CAPN5: variants seen among roughly 807,000 people sequenced by gnomAD.
CAPN5 encodes calpain-5.
In CAPN5, 54 loss-of-function variants were observed where a neutral mutation model predicts 73.0. The ratio of observed to expected loss-of-function variants is 0.74; its 90% CI spans 0.59 to 0.93. CAPN5 has a LOEUF of 0.93. CAPN5 is among the 40% of genes least tolerant of loss of function. The pLI, the probability that CAPN5 is intolerant of heterozygous loss-of-function variation, is 0.00. For missense variants in CAPN5, 785 were observed against 882.9 expected, an observed-to-expected ratio of 0.89 and a Z score of 1.41; for synonymous variants, 335 against 356.9, an observed-to-expected ratio of 0.94 and a Z score of 0.69.
chr11:77,116,367 C>T, intron 7 of CAPN5, 64 bp downstream of exon 7: 1 of 1,348,336 alleles, frequency 7.4e-7, no homozygotes, highest in Non-Finnish European at 1.0e-6. Context: ...TGGCGGGGAG[C>T]ACCAGGTGGG....
Position 77,075,081 on chromosome 11 carries a change from G to A in CAPN5, c.-36+7987G>A, listed in dbSNP as rs139654307. Among the ~76,000 whole-genome samples, 152 of 152,252 alleles carry A rather than the reference G, an allele frequency of 1.0e-3. 2 individuals carry two copies. The East Asian group carries it at 0.023, about 23-fold the overall frequency. ...AAGACAGCCGTGACCAAGTCCCTCC[G>A]CTGCTCAGCACCCTTCCACACTCCC... On this transcript the variant is annotated intron_variant, in intron 1 of 12. Transcript: ENST00000648180.
chr11:77,098,334 C>A (rs1224425823), intron 3 of CAPN5, among the ~76,000 whole-genome samples: 1 of 106,122 alleles, frequency 9.4e-6, no homozygotes. Context: ...GGGCTGACCC[C>A]CCCACCTCCC....
At chr11:77,091,991 G>A (rs886352013) in intron 2 of CAPN5, among the ~76,000 whole-genome samples, 1 of 152,122 alleles carries the variant, frequency 6.6e-6, no homozygotes, top group African/African-American at 2.4e-5. Flanking sequence ...AGGCTGAGGC[G>A]GGAAGATTGC....
intron 8 of CAPN5, among the ~76,000 whole-genome samples, chr11:77,118,719 G>T (rs1206656587): frequency 6.6e-6 from 1 of 152,226 alleles, no homozygotes; most frequent in Non-Finnish European, 1.5e-5. Context: ...TCCCCACGGG[G>T]CCTCTCCCCA....
rs1158485420 is a variant in CAPN5, at chr11:77,119,134, T to G, written c.1272T>G (p.Ile424Met). The stretch of plus-strand genomic sequence containing the variant: ...AGGGCAAGGGTGAGAACCTGGCCAT[T>G]GGCTTTGACATCTACAAGGTGAGGC... ...RREGKGENLA[I>M]GFDIYKVEEN... Residue 424 changes from isoleucine to methionine, a missense_variant, in exon 9 of 13, where the codon ATT becomes ATG. Transcript: ENST00000648180. The G allele has an allele frequency of 1.2e-6, 2 of 1,612,732 alleles. No individual in the cohort carries two copies. Among genetic ancestry groups the G allele is most frequent in the Non-Finnish European group, 1.7e-6 (2 of 1,179,520 alleles).
At chr11:77,115,107 A>G (rs781886490) in intron 5 of CAPN5, among the ~76,000 whole-genome samples, 2 of 152,180 alleles carry the variant, frequency 1.3e-5, no homozygotes, top group Non-Finnish European at 2.9e-5. Context: ...ATATTTAACA[A>G]TTCCTGGAAT....
chr11:77,087,833 T>A, intron 2 of CAPN5: 1 of 1,444,988 alleles, frequency 6.9e-7, no homozygotes, highest in Non-Finnish European at 9.3e-7. Context: ...CCATCTCCTA[T>A]TGACTCTGCA....
intron 3 of CAPN5, among the ~76,000 whole-genome samples, chr11:77,096,577 T>A (rs1436430997): frequency 3.3e-5 from 5 of 152,250 alleles, no homozygotes; most frequent in Non-Finnish European, 7.3e-5. Context: ...CCCGACTTGA[T>A]GGTACATTCC....
At chr11:77,100,467 C>G (rs1235444475) in intron 3 of CAPN5, among the ~76,000 whole-genome samples, 1 of 152,152 alleles carries the variant, frequency 6.6e-6, no homozygotes, top group Non-Finnish European at 1.5e-5. Context: ...AACTGCCCCC[C>G]ACCTTCGGCC....
intron 3 of CAPN5, chr11:77,103,221 C>T (rs374684235): frequency 1.1e-5 from 17 of 1,613,552 alleles, no homozygotes; most frequent in East Asian, 2.2e-5. Context: ...GTTTGGGGAG[C>T]GCCTGTCGGA....
rs141606826 is a variant in CAPN5 at position 77,084,907 on chromosome 11, C to G, written c.21C>G (p.Pro7=). ...CCACCATGTTCTCGTGTGTGAAGCC[C>G]TATGAGGACCAGAACTACTCAGCCC... MFSCVK[P]YEDQNYSALR... The change falls in exon 2 of 13, where the codon CCC becomes CCG. Residue 7 remains proline (P), a synonymous_variant. Coordinates refer to ENST00000648180, the MANE Select transcript of CAPN5 (RefSeq NM_004055.5). The G allele has an allele frequency of 1.2e-3, 2,015 of 1,613,966 alleles. 2 individuals are homozygous for G. Among genetic ancestry groups the G allele is most frequent in the Non-Finnish European group, 1.6e-3 (1,908 of 1,180,034 alleles).
At chr11:77,096,240 A>G (rs1230010523) in intron 3 of CAPN5, among the ~76,000 whole-genome samples, 1 of 151,906 alleles carries the variant, frequency 6.6e-6, no homozygotes, top group African/African-American at 2.4e-5. Flanking sequence ...CATCCTCGAC[A>G]CACACGCCCC....
chr11:77,122,534 C>T (rs1555043020), intron 11 of CAPN5, 42 bp from the exon 12 acceptor site: 1 of 1,244,240 alleles, frequency 8.0e-7, no homozygotes, highest in East Asian at 2.7e-5. Flanking sequence ...TGCCACAGCC[C>T]CCACCCCCAC....
intron 1 of CAPN5, among the ~76,000 whole-genome samples, chr11:77,080,966 A>G (rs1419185103): frequency 6.6e-6 from 1 of 152,200 alleles, no homozygotes; most frequent in Non-Finnish European, 1.5e-5. Flanking sequence ...GACCCAACTC[A>G]GAACTTCCAC....
chr11:77,085,804 G>A (rs1378244741), intron 2 of CAPN5, among the ~76,000 whole-genome samples: 1 of 152,194 alleles, frequency 6.6e-6, no homozygotes, highest in African/African-American at 2.4e-5. Context: ...GCAGAATGGG[G>A]TCCCTGGTGG....
chr11:77,076,067 A>G (rs1555033877), intron 1 of CAPN5, among the ~76,000 whole-genome samples: 1 of 152,212 alleles, frequency 6.6e-6, no homozygotes, highest in Non-Finnish European at 1.5e-5. Context: ...GAGAACACTC[A>G]AAATCTACTC....
At chr11:77,102,635 G>A (rs781980638) in intron 3 of CAPN5, among the ~76,000 whole-genome samples, 21 of 152,268 alleles carry the variant, frequency 1.4e-4, no homozygotes, top group Admixed American at 2.6e-4. Context: ...TGCGGGGACT[G>A]GAGTGGAGGC....
chr11:77,117,996 A>G (rs1950484691), intron 7 of CAPN5, among the ~76,000 whole-genome samples, 161 bp from the exon 8 acceptor site: 1 of 152,182 alleles, frequency 6.6e-6, no homozygotes, highest in African/African-American at 2.4e-5. Flanking sequence ...GGTCTGTGCA[A>G]TGCCATGCCT....
At chr11:77,114,841 C>T (rs965538710) in intron 5 of CAPN5, among the ~76,000 whole-genome samples, 7 of 152,138 alleles carry the variant, frequency 4.6e-5, no homozygotes, top group Non-Finnish European at 1.0e-4. Flanking sequence ...TTGCTAATTA[C>T]TGTGGTGTAA....
Sources: gnomAD v4.1 joint callset for allele counts (sites outside exome capture counted in the v4.1 genomes callset) on GRCh38, gnomAD v4.1.1 for gene constraint, MANE v1.5 for transcripts, NCBI Gene and HGNC (gene_info 2026-07-23, HGNC 2026-07-21) for gene names.